The following INTU variants were observed in gnomAD, a reference collection of about 807,000 sequenced individuals.
INTU encodes protein inturned.
INTU carries 68 observed loss-of-function variants against 100.5 expected under a neutral mutation model. The ratio of observed to expected loss-of-function variants is 0.68; its 90% CI spans 0.56 to 0.83. The LOEUF (loss-of-function observed/expected upper bound fraction) is 0.83. Ranked by LOEUF, INTU falls within the 40% of genes least tolerant of loss-of-function variation. INTU has a pLI of 0.00. For missense variants in INTU, 1,071 were observed against 1,114.7 expected (o/e 0.96, Z 0.56); for synonymous variants, 357 against 395.7 (o/e 0.90, Z 1.16).
intron 5 of INTU, among the ~76,000 whole-genome samples, chr4:127,672,766 A>C (rs1044893798): frequency 6.6e-6 from 1 of 152,132 alleles, no homozygotes; most frequent in South Asian, 2.1e-4. Context: ...GACAAAAGCA[A>C]TGTTCTGTGT....
intron 1 of INTU, among the ~76,000 whole-genome samples, chr4:127,636,651 A>G (rs1359682110): frequency 4.0e-5 from 6 of 151,838 alleles, no homozygotes; most frequent in African/African-American, 1.5e-4. Flanking sequence ...GCAAAGCCCT[A>G]ACACAAAATA....
intron 4 of INTU, among the ~76,000 whole-genome samples, chr4:127,667,902 G>A (rs1728764256): frequency 6.6e-6 from 1 of 152,022 alleles, no homozygotes; most frequent in African/African-American, 2.4e-5. Context: ...TAATGTAAAA[G>A]TTGGCAAGAC....
chr4:127,699,924 T>G (rs1298711005), intron 8 of INTU, 86 bp from the exon 9 acceptor site: 2 of 883,260 alleles, frequency 2.3e-6, no homozygotes, highest in Non-Finnish European at 3.4e-6. Flanking sequence ...CAAGTAGTAA[T>G]TAAGCACTTT....
chr4:127,643,946 A>G lies in INTU; in HGVS notation c.572A>G (p.Gln191Arg). 6.2e-7 allele frequency: 1 copy of G among 1,614,206 alleles called. No individual in the cohort carries two copies. The change falls in exon 2 of 16, where the codon CAG (glutamine) becomes CGG (arginine). Residue 191 changes from glutamine (Q) to arginine (R), a missense_variant. Coordinates refer to ENST00000335251, the MANE Select transcript of INTU (RefSeq NM_015693.4). The part of the protein sequence containing the change: ...LLEVLVGIIH[Q>R]TKWSWRRTGK... ...GAAGTGCTGGTTGGAATTATTCATCAGACCAAGTGGAGCTGGAGAAGAACC... is the reference window on the plus strand; with the variant it reads ...GAAGTGCTGGTTGGAATTATTCATCGGACCAAGTGGAGCTGGAGAAGAACC...
intron 9 of INTU, among the ~76,000 whole-genome samples, chr4:127,702,461 G>A (rs1277587730): frequency 1.3e-5 from 2 of 152,122 alleles, no homozygotes; most frequent in African/African-American, 4.8e-5. Flanking sequence ...CCATCAGCAG[G>A]TGTGAATACC....
chr4:127,684,412 T>A lies in INTU; in HGVS notation c.1185T>A (p.Val395=). 1.9e-6 allele frequency: 3 copies of A among 1,590,918 alleles called. No homozygotes were observed. The highest frequency in any genetic ancestry group is 2.6e-6 in the Non-Finnish European group (3 of 1,167,812). Residue 395 remains valine, a synonymous_variant, in exon 7 of 16, where the codon GTT becomes GTA. Coordinates refer to ENST00000335251, the MANE Select transcript of INTU (RefSeq NM_015693.4). The part of the protein sequence containing the change: ...LLLIGLPAEE[V]PLPRLRNMIE... ...ACGTGTAATTTTGCTTTTTTAGAGT[T>A]CCTCTTCCTCGTCTAAGGAACATGA...
chr4:127,682,206 G>C (rs1729599145), intron 6 of INTU, among the ~76,000 whole-genome samples: 1 of 151,998 alleles, frequency 6.6e-6, no homozygotes. Flanking sequence ...CGATTGCTCA[G>C]GGATCTAGAA....
chr4:127,708,640 A>G lies in INTU; in HGVS notation c.2341A>G (p.Lys781Glu), dbSNP rs531689801. 5 of 1,577,402 alleles carry G rather than the reference A, an allele frequency of 3.2e-6. No homozygotes were observed. In the African/African-American group the frequency reaches 6.7e-5, roughly 21 times the overall value. The change falls in exon 13 of 16, where the codon AAA becomes GAA. Residue 781 changes from lysine to glutamate, a missense_variant. Physicochemically the swap from Lys to Glu is moderately conservative, Grantham distance 56. Coordinates refer to ENST00000335251, the MANE Select transcript of INTU (RefSeq NM_015693.4). ...LGNLKKDLPE[K>E]ELEIYNTVKL... ...AAACTTGAAAAAGGACCTTCCAGAA[A>G]AAGAATTAGAAATATATAACACAGT...
chr4:127,634,400 A>C (rs1726977670), intron 1 of INTU, among the ~76,000 whole-genome samples: 1 of 152,208 alleles, frequency 6.6e-6, no homozygotes, highest in South Asian at 2.1e-4. Context: ...GCCCAGAAAG[A>C]ATCTATGATT....
intron 1 of INTU, among the ~76,000 whole-genome samples, chr4:127,642,014 A>T (rs931536917): frequency 6.6e-6 from 1 of 150,812 alleles, no homozygotes; most frequent in African/African-American, 2.5e-5. Context: ...GTTTAAATTG[A>T]TATATATATA....
At chr4:127,686,896 C>T (rs933932233) in intron 7 of INTU, 1 of 152,078 alleles carries the variant, frequency 6.6e-6, no homozygotes, top group African/African-American at 2.4e-5. Flanking sequence ...TTTTGATATG[C>T]CGATAGCATA....
At chr4:127,690,007 A>G (rs1730040679) in intron 8 of INTU, among the ~76,000 whole-genome samples, 1 of 152,118 alleles carries the variant, frequency 6.6e-6, no homozygotes, top group South Asian at 2.1e-4. Context: ...GAATTTCTTC[A>G]TTAAAGAAAC....
chr4:127,694,489 C>A (rs540588099), intron 8 of INTU, among the ~76,000 whole-genome samples: 1 of 151,938 alleles, frequency 6.6e-6, no homozygotes, highest in Non-Finnish European at 1.5e-5. Context: ...AATGGTCTAT[C>A]AATTTTATAT....
At position 127,700,006 on chromosome 4, in the gene INTU, A is replaced by G. The variant is rs1378540846; in HGVS notation, c.1450-4A>G. On this transcript the variant is annotated splice_region_variant and splice_polypyrimidine_tract_variant and intron_variant, in intron 8 of 15. Transcript: ENST00000335251. ...ATGTTACTCTTTTTTTTTTTTTAAC[A>G]TAGATGGAATTAGACATGGCATTAA... is the stretch of plus-strand genomic sequence containing the variant. 4 of 1,569,208 alleles carry G rather than the reference A, an allele frequency of 2.5e-6. No individual in the cohort carries two copies. The highest frequency in any genetic ancestry group is 1.2e-5 in the South Asian group (1 of 81,632).
At chr4:127,702,830 T>A (rs1730707211) in intron 9 of INTU, among the ~76,000 whole-genome samples, 1 of 152,160 alleles carries the variant, frequency 6.6e-6, no homozygotes. Flanking sequence ...ATCACTGATC[T>A]GTGTTCTGTC....
chr4:127,713,645 CT>C (rs1731166024), intron 14 of INTU, among the ~76,000 whole-genome samples: 1 of 152,082 alleles, frequency 6.6e-6, no homozygotes, highest in Non-Finnish European at 1.5e-5. Flanking sequence ...CTATCTTCCA[CT>C]GTGGAAGACA....
rs181743661 is a variant in INTU, at chr4:127,647,811, C to T, written c.682+3755C>T. Among the ~76,000 whole-genome samples the T allele has an allele frequency of 8.4e-3, 1,278 of 152,198 alleles. 13 individuals are homozygous for T. The highest frequency in any genetic ancestry group is 9.4e-3 in the Non-Finnish European group (638 of 68,012). ...TTGTTATATATCCTCCCTTTTCCTACATTTATATACAATAATCTTTTGTCA... is the reference window on the plus strand; with the variant it reads ...TTGTTATATATCCTCCCTTTTCCTATATTTATATACAATAATCTTTTGTCA... On this transcript the variant is annotated intron_variant, in intron 2 of 15. Coordinates refer to ENST00000335251, the MANE Select transcript of INTU (RefSeq NM_015693.4).
intron 9 of INTU, 104 bp from the exon 10 acceptor site, chr4:127,704,124 T>G (rs183127356): frequency 0.013 from 11,067 of 884,494 alleles, 105 homozygotes; most frequent in South Asian, 0.036. Context: ...ATGAAAAGTT[T>G]AGTTACTAAA....
At chr4:127,714,203 T>C (rs939518294) in intron 15 of INTU, 110 bp downstream of exon 15, 1 of 754,920 alleles carries the variant, frequency 1.3e-6, no homozygotes, top group Middle Eastern at 3.6e-4. Context: ...TATCTAGCTA[T>C]ACTATTTTAA....
Sources: gnomAD v4.1 joint callset for allele counts (sites outside exome capture counted in the v4.1 genomes callset) on GRCh38, gnomAD v4.1.1 for gene constraint, MANE v1.5 for transcripts, NCBI Gene and HGNC (gene_info 2026-07-23, HGNC 2026-07-21) for gene names.